The following DNM3 variants were observed in gnomAD, a reference collection of about 807,000 sequenced individuals.
DNM3 encodes the protein dynamin-3.
Under a neutral mutation model 101.6 loss-of-function variants are expected in DNM3, and 47 were observed. That is an observed-to-expected ratio of 0.46 (90% CI 0.37 to 0.59). DNM3 has a LOEUF of 0.59. Among genes scored for constraint, DNM3 ranks in the 20% least tolerant of loss-of-function variants. The pLI is 0.00. For missense variants in DNM3, 849 were observed against 1,085.7 expected (o/e 0.78, Z 3.06); for synonymous variants, 385 against 387.9 (o/e 0.99, Z 0.09).
At chr1:171,993,274 G>A (rs540387754) in intron 4 of DNM3, among the ~76,000 whole-genome samples, 1 of 151,888 alleles carries the variant, frequency 6.6e-6, no homozygotes, top group South Asian at 2.1e-4. Flanking sequence ...ATTTCTTGTA[G>A]GCTATGTCTG....
intron 1 of DNM3, among the ~76,000 whole-genome samples, chr1:171,886,556 G>A (rs2036794975): frequency 1.3e-5 from 2 of 151,962 alleles, no homozygotes; most frequent in Admixed American, 1.3e-4. Context: ...AAGAATCTAT[G>A]GCCAATCACT....
At chr1:172,271,198 C>T (rs1300400614) in intron 15 of DNM3, among the ~76,000 whole-genome samples, 1 of 151,970 alleles carries the variant, frequency 6.6e-6, no homozygotes, top group African/African-American at 2.4e-5. Flanking sequence ...TTGAAACTGG[C>T]CATAGTGAGA....
At chr1:172,187,800 C>T (rs2059576845) in intron 14 of DNM3, among the ~76,000 whole-genome samples, 1 of 151,992 alleles carries the variant, frequency 6.6e-6, no homozygotes, top group African/African-American at 2.4e-5. Context: ...GAAGAAAATT[C>T]AGATCATATG....
At chr1:172,294,566 C>T (rs2064066456) in intron 15 of DNM3, among the ~76,000 whole-genome samples, 1 of 152,072 alleles carries the variant, frequency 6.6e-6, no homozygotes, top group African/African-American at 2.4e-5. Context: ...GCTTTACTAC[C>T]AACTTTACAG....
intron 15 of DNM3, among the ~76,000 whole-genome samples, chr1:172,255,275 A>G (rs1375582906): frequency 1.3e-5 from 2 of 152,172 alleles, no homozygotes; most frequent in Non-Finnish European, 2.9e-5. Flanking sequence ...TTTTCTAGAG[A>G]GAATAGTAGT....
At chr1:172,292,445 T>C (rs748511062) in intron 15 of DNM3, among the ~76,000 whole-genome samples, 19 of 152,222 alleles carry the variant, frequency 1.2e-4, no homozygotes, top group Non-Finnish European at 1.8e-4. Flanking sequence ...TCTGGAGATT[T>C]GTGATCAGCT....
chr1:172,139,005 A>G (rs57417995), intron 14 of DNM3: 26,141 of 454,848 alleles, frequency 0.057, 2,447 homozygotes, highest in African/African-American at 0.26. Flanking sequence ...GGAGAAAAAT[A>G]CACAATATAA....
intron 16 of DNM3, 65 bp downstream of exon 16, chr1:172,308,904 A>G: frequency 1.1e-6 from 1 of 923,848 alleles, no homozygotes. Flanking sequence ...TATTAATCCT[A>G]CATACCATAA....
At chr1:171,926,524 C>T (rs1164503214) in intron 2 of DNM3, among the ~76,000 whole-genome samples, 5 of 152,134 alleles carry the variant, frequency 3.3e-5, no homozygotes, top group Non-Finnish European at 2.9e-5. Context: ...AATCTGTTGA[C>T]CAGAGAAATA....
intron 15 of DNM3, among the ~76,000 whole-genome samples, chr1:172,277,537 T>G (rs1373049125): frequency 6.6e-6 from 1 of 152,034 alleles, no homozygotes; most frequent in East Asian, 1.9e-4. Flanking sequence ...TGTGGTCAAG[T>G]AGACATCATC....
At chr1:171,950,935 T>TTCCTCCTCCTCCTCCTTCTCC (rs1558315397) in intron 2 of DNM3, among the ~76,000 whole-genome samples, 2 of 152,004 alleles carry the variant, frequency 1.3e-5, no homozygotes, top group African/African-American at 4.8e-5. Flanking sequence ...CATCTTCCTC[T>TTCCTCCTCCTCCTCCTTCTCC]TCCTCCTCCT....
intron 1 of DNM3, among the ~76,000 whole-genome samples, chr1:171,849,296 G>A (rs1260615220): frequency 5.3e-5 from 8 of 152,228 alleles, no homozygotes; most frequent in African/African-American, 1.7e-4. Context: ...TCCTCATTAC[G>A]GAATCTAGCC....
At chr1:171,928,449 A>T (rs1427448953) in intron 2 of DNM3, among the ~76,000 whole-genome samples, 1 of 152,008 alleles carries the variant, frequency 6.6e-6, no homozygotes, top group African/African-American at 2.4e-5. Flanking sequence ...CCCCAGAGAG[A>T]TGCAGGTCAG....
intron 1 of DNM3, among the ~76,000 whole-genome samples, chr1:171,845,931 A>T (rs560829790): frequency 6.6e-6 from 1 of 152,286 alleles, no homozygotes; most frequent in South Asian, 2.1e-4. Flanking sequence ...TGGTAAATAG[A>T]CTCTCAATTC....
At chr1:172,232,479 C>T (rs998080931) in intron 14 of DNM3, among the ~76,000 whole-genome samples, 1 of 152,076 alleles carries the variant, frequency 6.6e-6, no homozygotes, top group Non-Finnish European at 1.5e-5. Context: ...GACAGATCAA[C>T]GAGACAGAAA....
chr1:172,059,925 A>G (rs1166605650), intron 10 of DNM3, among the ~76,000 whole-genome samples: 3 of 133,968 alleles, frequency 2.2e-5, no homozygotes, highest in Non-Finnish European at 4.8e-5. Context: ...TGCAGACGAC[A>G]TGATTGTATA....
At chr1:172,144,521 G>A (rs374042594) in intron 14 of DNM3, 26 of 466,172 alleles carry the variant, frequency 5.6e-5, no homozygotes, top group African/African-American at 5.1e-4. Context: ...TTTGTCCCCA[G>A]CGGTCCATGG....
At chr1:172,194,468 G>A (rs1349422266) in intron 14 of DNM3, among the ~76,000 whole-genome samples, 1 of 152,076 alleles carries the variant, frequency 6.6e-6, no homozygotes, top group Admixed American at 6.6e-5. Flanking sequence ...GGGTGTTAAA[G>A]TCTCCCATTA....
chr1:172,014,321 C>A (rs1182783446), intron 4 of DNM3, among the ~76,000 whole-genome samples: 1 of 152,118 alleles, frequency 6.6e-6, no homozygotes, highest in Non-Finnish European at 1.5e-5. Context: ...CAAAGGAGGA[C>A]AATTACTGAA....
Sources: allele counts gnomAD v4.1 joint callset (sites outside exome capture counted in the v4.1 genomes callset), GRCh38; gene constraint gnomAD v4.1.1; transcripts MANE v1.5; gene names NCBI Gene and HGNC (gene_info 2026-07-23, HGNC 2026-07-21).